The following EIF4G3 variants were observed in gnomAD, a reference collection of about 807,000 sequenced individuals.
EIF4G3 encodes the protein eukaryotic translation initiation factor 4 gamma 3.
A neutral mutation model predicts 186.4 loss-of-function variants in EIF4G3; 34 were observed. The ratio of observed to expected loss-of-function variants is 0.18; its 90% CI spans 0.14 to 0.24. The LOEUF (loss-of-function observed/expected upper bound fraction) is 0.24, where lower values mean the gene tolerates loss of function less well. Among genes scored for constraint, EIF4G3 ranks in the 10% least tolerant of loss-of-function variants. The pLI is 1.00. For synonymous variants in EIF4G3, 673 were observed against 679.5 expected (o/e 0.99, Z 0.15); for missense variants, 1,536 against 1,948.5 (o/e 0.79, Z 3.99).
At chr1:21,157,565 A>T (rs1256544184) in intron 2 of EIF4G3, among the ~76,000 whole-genome samples, 1 of 151,746 alleles carries the variant, frequency 6.6e-6, no homozygotes, top group South Asian at 2.1e-4. Flanking sequence ...TCCTACTCCT[A>T]GGCTCAAGTG....
Position 20,980,176 on chromosome 1 carries a change from GA to G in EIF4G3, c.493+157del, listed in dbSNP as rs111418686. Reference sequence around the variant, plus strand: ...CATAATGAGACTCCCATTTCTGGAAGAAAAAAAAAAAAGTAGCTTTCAAGAA... The same window carrying G: ...CATAATGAGACTCCCATTTCTGGAAGAAAAAAAAAAAGTAGCTTTCAAGAA... On this transcript the variant is annotated intron_variant, in intron 10 of 36. Transcript: ENST00000602326. 7.7e-3 allele frequency among the ~76,000 whole-genome samples: 1,092 copies of G among 141,120 alleles called. 13 individuals are homozygous for G. Among genetic ancestry groups the G allele is most frequent in the African/African-American group, 0.025 (958 of 38,714 alleles). The allele number at this position is 141,120 out of a possible 152,430, so 92.6% of individuals were successfully genotyped here. A position where few individuals can be genotyped will look rare whatever the true frequency, so the allele number is the denominator to read the frequency against.
Position 21,050,829 on chromosome 1 carries a change from G to C in EIF4G3, c.-67+37C>G. On this transcript the variant is annotated intron_variant, in intron 4 of 36. Coordinates refer to ENST00000602326, the MANE Select transcript of EIF4G3 (RefSeq NM_001391906.1). ...AAAAACAAAAATGATGCCTTTACAG[G>C]GACATTTCTTATTTTTTTAAAAAAG... is the stretch of plus-strand genomic sequence containing the variant. 4.4e-6 allele frequency: 3 copies of C among 688,192 alleles called. No homozygotes were observed. In the South Asian group the frequency reaches 4.9e-5, roughly 11 times the overall value. 42.6% of individuals were successfully genotyped at this position (688,192 alleles called of 1,614,324 possible).
At chr1:20,884,375 C>T (rs2083416853) in intron 19 of EIF4G3, among the ~76,000 whole-genome samples, 1 of 151,900 alleles carries the variant, frequency 6.6e-6, no homozygotes, top group Non-Finnish European at 1.5e-5. Context: ...GCTTCAGTTT[C>T]CTCATGAAAA....
At chr1:21,088,860 G>A (rs1353025151) in intron 3 of EIF4G3, among the ~76,000 whole-genome samples, 2 of 151,974 alleles carry the variant, frequency 1.3e-5, no homozygotes, top group African/African-American at 4.8e-5. Context: ...GTGAAACTCT[G>A]TCTCAAAATA....
chr1:21,131,451 G>GAAAAAAA, intron 2 of EIF4G3, among the ~76,000 whole-genome samples: 1 of 85,238 alleles, frequency 1.2e-5, no homozygotes, highest in Non-Finnish European at 2.6e-5. Context: ...GAATTTTCCA[G>GAAAAAAA]AAAAAAAAAA....
intron 12 of EIF4G3, among the ~76,000 whole-genome samples, chr1:20,955,528 C>G (rs2096387820): frequency 6.6e-6 from 1 of 152,156 alleles, no homozygotes; most frequent in Non-Finnish European, 1.5e-5. Context: ...AGCCATCACA[C>G]CTGGCTGATA....
chr1:21,117,180 C>T (rs982444577), intron 2 of EIF4G3, among the ~76,000 whole-genome samples: 2 of 152,052 alleles, frequency 1.3e-5, no homozygotes, highest in Non-Finnish European at 2.9e-5. Context: ...TGAACTGAGG[C>T]TAAAGGCATT....
At position 20,941,962 on chromosome 1, in the gene EIF4G3, C is replaced by T. The variant is rs2095733626; in HGVS notation, c.1192G>A (p.Val398Ile). The T allele has an allele frequency of 3.7e-6, 6 of 1,614,140 alleles. No homozygotes were observed. The highest frequency in any genetic ancestry group is 5.1e-6 in the Non-Finnish European group (6 of 1,180,012). The change falls in exon 14 of 37, where the codon GTA becomes ATA. Residue 398 changes from valine (V) to isoleucine (I), a missense_variant. This residue lies in a region of EIF4G3 where 560 missense variants were observed against 547.8 expected (regional missense o/e 1.02). Coordinates refer to ENST00000602326, the MANE Select transcript of EIF4G3 (RefSeq NM_001391906.1). ...ACCAGTGGAATATCATTAGGTGCTA[C>T]ACTACAGGGTTTCTTGCATATATCA... ...DDDICKKPCS[V>I]APNDIPLVSS...
intron 2 of EIF4G3, among the ~76,000 whole-genome samples, chr1:21,166,845 A>C (rs1346752578): frequency 2.0e-5 from 3 of 152,074 alleles, no homozygotes; most frequent in Non-Finnish European, 4.4e-5. Context: ...GCAGCAGTGC[A>C]ATCATGGCTC....
chr1:20,869,774 C>CAAAAAAAAAAA (rs35907806), intron 20 of EIF4G3, among the ~76,000 whole-genome samples: 1 of 48,626 alleles, frequency 2.1e-5, no homozygotes, highest in Non-Finnish European at 4.1e-5. Flanking sequence ...GACTACGTCT[C>CAAAAAAAAAAA]AAAAAAAAAA....
intron 2 of EIF4G3, among the ~76,000 whole-genome samples, chr1:21,116,502 G>A (rs1245095027): frequency 6.6e-6 from 1 of 151,854 alleles, no homozygotes; most frequent in African/African-American, 2.4e-5. Context: ...ACACAGATTC[G>A]GATATTAGGA....
At chr1:20,860,573 T>A (rs1261239632) in intron 23 of EIF4G3, 56 bp from the exon 24 acceptor site, 1 of 1,573,988 alleles carries the variant, frequency 6.4e-7, no homozygotes, top group East Asian at 2.3e-5. Context: ...TTTTTAAAAT[T>A]TAAAAATTAG....
chr1:20,925,735 T>C (rs572934758), intron 14 of EIF4G3, among the ~76,000 whole-genome samples: 2 of 152,194 alleles, frequency 1.3e-5, no homozygotes, highest in Non-Finnish European at 2.9e-5. Context: ...GGTCTCTCTG[T>C]TGCCAAGGCT....
rs1236007605 is a variant in EIF4G3 at position 21,168,074 on chromosome 1, T to G, written c.-272+8101A>C. 8.5e-6 allele frequency: 4 copies of G among 470,306 alleles called. No individual in the cohort carries two copies. The Admixed American group carries it at 9.4e-5, about 11-fold the overall frequency. 29.1% of individuals were successfully genotyped at this position (470,306 alleles called of 1,614,324 possible). ...CATTCCAAATAAACAAAAAGTTCACTTATATTTCAAGTAGATACAGAATAA... is the reference window on the plus strand; with the variant it reads ...CATTCCAAATAAACAAAAAGTTCACGTATATTTCAAGTAGATACAGAATAA... On this transcript the variant is annotated intron_variant, in intron 2 of 36. Transcript: ENST00000602326.
At chr1:21,043,253 C>A (rs2093679358) in intron 4 of EIF4G3, among the ~76,000 whole-genome samples, 1 of 152,138 alleles carries the variant, frequency 6.6e-6, no homozygotes, top group Non-Finnish European at 1.5e-5. Context: ...AAAGACTGAG[C>A]CTACATAAAA....
At chr1:20,813,554 G>A (rs2059699985) in intron 34 of EIF4G3, among the ~76,000 whole-genome samples, 1 of 150,388 alleles carries the variant, frequency 6.6e-6, no homozygotes, top group Non-Finnish European at 1.5e-5. Flanking sequence ...GGGTGACAGA[G>A]CGAGACCTTG....
intron 12 of EIF4G3, among the ~76,000 whole-genome samples, chr1:20,955,476 C>A (rs887422053): frequency 6.6e-6 from 1 of 152,084 alleles, no homozygotes; most frequent in African/African-American, 2.4e-5. Context: ...CTCAAGTAAT[C>A]CTCCCGCCTC....
chr1:20,813,337 G>A, intron 34 of EIF4G3, 98 bp from the exon 35 acceptor site: 1 of 721,188 alleles, frequency 1.4e-6, no homozygotes, highest in Non-Finnish European at 2.3e-6. Context: ...GCCGAGACAG[G>A]AGGATCACTT....
intron 11 of EIF4G3, among the ~76,000 whole-genome samples, chr1:20,970,591 C>T (rs939608420): frequency 1.4e-5 from 2 of 146,120 alleles, no homozygotes; most frequent in African/African-American, 2.5e-5. Context: ...CCAGCCTGGG[C>T]GACAGGGCAA....
Sources: gnomAD v4.1 joint callset for allele counts (sites outside exome capture counted in the v4.1 genomes callset) on GRCh38, gnomAD v4.1.1 for gene constraint, gnomAD v4.1.1 regional missense constraint, MANE v1.5 for transcripts, NCBI Gene and HGNC (gene_info 2026-07-23, HGNC 2026-07-21) for gene names.